Variants in CHD2 observed in about 807,000 individuals in gnomAD.
CHD2 encodes the protein chromodomain helicase DNA binding protein 2.
In CHD2, 28 loss-of-function variants were observed where a neutral mutation model predicts 243.9. The ratio of observed to expected loss-of-function variants is 0.11; its 90% CI spans 0.09 to 0.16. The LOEUF (loss-of-function observed/expected upper bound fraction) is 0.16, where lower values mean the gene tolerates loss of function less well. CHD2 is among the 10% of genes least tolerant of loss of function. The pLI, the probability that CHD2 is intolerant of heterozygous loss-of-function variation, is 1.00. For missense variants in CHD2, 1,386 were observed against 2,209.8 expected (o/e 0.63, Z 7.47); for synonymous variants, 775 against 779.0 (o/e 0.99, Z 0.09).
intron 2 of CHD2, among the ~76,000 whole-genome samples, chr15:92,917,623 C>T (rs190110545): frequency 6.6e-6 from 1 of 152,322 alleles, no homozygotes; most frequent in Non-Finnish European, 1.5e-5. Context: ...GCTTTTCCAT[C>T]TTAAGACACA....
At chr15:92,984,055 GCTCATTCAATAAAA>G (rs2054011761) in intron 24 of CHD2, among the ~76,000 whole-genome samples, 1 of 152,132 alleles carries the variant, frequency 6.6e-6, no homozygotes, top group Non-Finnish European at 1.5e-5. Flanking sequence ...ATTTATAACA[GCTCATTCAATAAAA>G]CTTATAAAAA....
chr15:93,002,450 G>A (rs760856031), intron 33 of CHD2, 133 bp downstream of exon 33: 6 of 1,371,598 alleles, frequency 4.4e-6, no homozygotes, highest in Non-Finnish European at 4.8e-6. Flanking sequence ...GGATGGGTGG[G>A]GCCGTTGATG....
In CHD2 at chr15:92,943,065, A is replaced by T. The variant is rs200120256; in HGVS notation, c.1049A>T (p.Gln350Leu). ...NFKKKEDEIK[Q>L]WLGKVSPEDV... ...AAGAAAAAAGAGGACGAAATCAAAC[A>T]ATGGTATATTTTCCATCATGGATTA... Residue 350 changes from glutamine (Q) to leucine (L), a missense_variant, in exon 9 of 39, where the codon CAA (glutamine) becomes CTA (leucine). Gln to Leu is a moderately radical substitution (Grantham distance 113). Around this residue, in one of 19 missense-constraint regions of CHD2, gnomAD observed 200 missense variants for 292.5 expected, o/e 0.68. Transcript: ENST00000394196. 5.8e-5 allele frequency: 93 copies of T among 1,608,352 alleles called. No homozygotes were observed. The highest frequency in any genetic ancestry group is 1.6e-4 in the Middle Eastern group (1 of 6,074).
intron 12 of CHD2, chr15:92,947,555 A>G (rs2053489640): frequency 6.6e-6 from 1 of 152,240 alleles, no homozygotes; most frequent in African/African-American, 2.4e-5. Context: ...GCATTATGAA[A>G]TAGTTTTATT....
chr15:92,960,528 G>A (rs12591288), intron 16 of CHD2, among the ~76,000 whole-genome samples: 1 of 152,140 alleles, frequency 6.6e-6, no homozygotes, highest in East Asian at 1.9e-4. Flanking sequence ...CTGTTGAGAT[G>A]ACCATGTGGT....
At chr15:93,005,206 G>A (rs1380557420) in intron 34 of CHD2, among the ~76,000 whole-genome samples, 1 of 152,170 alleles carries the variant, frequency 6.6e-6, no homozygotes, top group Non-Finnish European at 1.5e-5. Flanking sequence ...GAGAGAGAGT[G>A]CATACTGTGG....
At chr15:92,987,619 A>G (rs1220527234) in intron 26 of CHD2, among the ~76,000 whole-genome samples, 1 of 149,478 alleles carries the variant, frequency 6.7e-6, no homozygotes, top group Non-Finnish European at 1.5e-5. Flanking sequence ...GAAGAAGGAA[A>G]AAAAAAAAAA....
chr15:92,935,127 C>T (rs1278347501), intron 5 of CHD2, among the ~76,000 whole-genome samples: 2 of 151,750 alleles, frequency 1.3e-5, no homozygotes, highest in Non-Finnish European at 2.9e-5. Flanking sequence ...GCTCCACCTC[C>T]CGGGTTCACG....
chr15:92,908,138 C>G (rs941111086), intron 2 of CHD2, among the ~76,000 whole-genome samples: 1 of 150,952 alleles, frequency 6.6e-6, no homozygotes, highest in East Asian at 2.0e-4. Context: ...TAACTACCCA[C>G]CCCCACTCCC....
chr15:93,022,525 C>G (rs1391078908), intron 38 of CHD2, among the ~76,000 whole-genome samples: 1 of 152,190 alleles, frequency 6.6e-6, no homozygotes, highest in Non-Finnish European at 1.5e-5. Context: ...GGCACGATGC[C>G]AGTTCTTTGT....
At chr15:92,982,868 C>A in intron 24 of CHD2, among the ~76,000 whole-genome samples, 1 of 152,056 alleles carries the variant, frequency 6.6e-6, no homozygotes, top group Non-Finnish European at 1.5e-5. Context: ...TATTAGTGTT[C>A]GTCATAGTCG....
Position 92,946,194 on chromosome 15 carries a change from C to T in CHD2, c.1355C>T (p.Thr452Ile), listed in dbSNP as rs1229308682. The change falls in exon 12 of 39, where the codon ACC becomes ATC. Residue 452 changes from threonine (T) to isoleucine (I), a missense_variant. Coordinates refer to ENST00000394196, the MANE Select transcript of CHD2 (RefSeq NM_001271.4). Reference protein sequence around the residue: ...DSFHSRNNSKTIPTRECKALK... With the variant: ...DSFHSRNNSKIIPTRECKALK... ...TTCCACAGTAGGAACAACTCAAAAA[C>T]CATCCCAACAAGAGAATGCAAGGTA... The T allele has an allele frequency of 1.2e-6, 2 of 1,611,756 alleles. No individual in the cohort carries two copies. The highest frequency in any genetic ancestry group is 1.1e-5 in the South Asian group (1 of 90,782).
intron 2 of CHD2, chr15:92,915,146 G>C (rs2052810075): frequency 6.6e-6 from 1 of 152,564 alleles, no homozygotes; most frequent in African/African-American, 2.4e-5. Context: ...CGTGTGTTAG[G>C]GTGACTGCTG....
At chr15:92,906,108 A>G (rs958777910) in intron 2 of CHD2, among the ~76,000 whole-genome samples, 3 of 152,238 alleles carry the variant, frequency 2.0e-5, no homozygotes, top group Non-Finnish European at 4.4e-5. Flanking sequence ...TTTACCTATT[A>G]ACTGTTGACA....
chr15:92,987,674 CTT>C (rs747166258), intron 26 of CHD2, among the ~76,000 whole-genome samples: 27 of 150,592 alleles, frequency 1.8e-4, no homozygotes, highest in African/African-American at 5.3e-4. Context: ...CTGCCAATCT[CTT>C]TTTTTTGATT....
chr15:92,952,118 T>A (rs1251975519), intron 13 of CHD2, among the ~76,000 whole-genome samples: 1 of 152,218 alleles, frequency 6.6e-6, no homozygotes, highest in African/African-American at 2.4e-5. Flanking sequence ...ATGACTGTAT[T>A]CTGTTTCCCA....
Position 93,014,785 on chromosome 15 carries a change from G to A in CHD2, c.4782G>A (p.Gln1594=). Residue 1594 remains glutamine (Q), a synonymous_variant, in exon 37 of 39, where the codon CAG becomes CAA. Transcript: ENST00000394196. The part of the protein sequence containing the change: ...SGSSRDSLIS[Q]SHTSHNLHPQ... ...CCAGCCGGGACTCTCTGATATCTCA[G>A]TCCCATACCTCACACAACCTTCACC... 1 of 1,614,158 alleles carries A rather than the reference G, an allele frequency of 6.2e-7. No individual in the cohort carries two copies. Among genetic ancestry groups the A allele is most frequent in the Non-Finnish European group, 8.5e-7 (1 of 1,180,024 alleles).
chr15:92,912,967 T>G (rs1181989179), intron 2 of CHD2, among the ~76,000 whole-genome samples: 2 of 152,230 alleles, frequency 1.3e-5, no homozygotes, highest in African/African-American at 4.8e-5. Context: ...GATCAAACTC[T>G]TGCACTGTTC....
At chr15:92,903,998 G>A (rs1273610502) in intron 2 of CHD2, among the ~76,000 whole-genome samples, 1 of 152,164 alleles carries the variant, frequency 6.6e-6, no homozygotes, top group African/African-American at 2.4e-5. Flanking sequence ...ATTTTATGAC[G>A]CTGATAATAC....
Sources: allele counts gnomAD v4.1 joint callset (sites outside exome capture counted in the v4.1 genomes callset), GRCh38; gene constraint gnomAD v4.1.1; regional missense constraint gnomAD v4.1.1; transcripts MANE v1.5; gene names NCBI Gene and HGNC (gene_info 2026-07-23, HGNC 2026-07-21).